Variants in NAV3 observed in about 807,000 individuals in gnomAD.
NAV3 encodes neuron navigator 3.
A neutral mutation model predicts 244.7 loss-of-function variants in NAV3; 87 were observed. That is an observed-to-expected ratio of 0.36 (90% CI 0.30 to 0.42). NAV3 has a LOEUF of 0.42. Among genes scored for constraint, NAV3 ranks in the 20% least tolerant of loss-of-function variants. The pLI is 1.00. For synonymous variants in NAV3, 1,126 were observed against 1,042.2 expected (o/e 1.08, Z -1.55); for missense variants, 2,663 against 2,893.3 (o/e 0.92, Z 1.83).
intron 28 of NAV3, among the ~76,000 whole-genome samples, chr12:78,178,465 A>G (rs1958352390): frequency 6.6e-6 from 1 of 152,030 alleles, no homozygotes; most frequent in Non-Finnish European, 1.5e-5. Context: ...CTGGCCCAAA[A>G]TACTGTAATA....
chr12:78,045,809 C>T (rs974318560), intron 9 of NAV3, among the ~76,000 whole-genome samples: 1 of 152,130 alleles, frequency 6.6e-6, no homozygotes, highest in African/African-American at 2.4e-5. Flanking sequence ...AGGAATGGTA[C>T]CAGCTCCTCT....
intron 2 of NAV3, among the ~76,000 whole-genome samples, chr12:77,580,219 AACACACACACACACACACACAC>A (rs59671759): frequency 6.9e-6 from 1 of 145,394 alleles, no homozygotes; most frequent in East Asian, 2.0e-4. Flanking sequence ...GTAGGGTGGG[AACACACACACACACACACACAC>A]ACACACACAC....
At chr12:77,595,497 A>G (rs1207520610) in intron 2 of NAV3, among the ~76,000 whole-genome samples, 1 of 152,180 alleles carries the variant, frequency 6.6e-6, no homozygotes, top group Non-Finnish European at 1.5e-5. Flanking sequence ...ATCGTATTGT[A>G]TACTCAAGAT....
At chr12:77,931,195 T>C (rs1022494126) in intron 1 of NAV3, among the ~76,000 whole-genome samples, 2 of 152,168 alleles carry the variant, frequency 1.3e-5, no homozygotes, top group African/African-American at 4.8e-5. Flanking sequence ...TCCCTTCCAA[T>C]AAACCTTCTC....
Position 77,698,504 on chromosome 12 carries a change from T to G in NAV3, c.72+126238T>G, listed in dbSNP as rs549592799. Among the ~76,000 whole-genome samples, 3 of 152,208 alleles carry G rather than the reference T, an allele frequency of 2.0e-5. No homozygotes were observed. In the South Asian group the frequency reaches 6.2e-4, roughly 32 times the overall value. On this transcript the variant is annotated intron_variant, in intron 2 of 8. Coordinates refer to the NAV3 transcript ENST00000550042. The stretch of plus-strand genomic sequence containing the variant: ...GTTGAATTTGGCTATAGGGGTCCAG[T>G]GGATCTCTAACCAAATGTGTCAGCC...
At position 78,007,278 on chromosome 12, in the gene NAV3, T is replaced by C. The variant is rs1351540435; in HGVS notation, c.1740T>C (p.Pro580=). The C allele has an allele frequency of 1.2e-6, 2 of 1,614,244 alleles. No homozygotes were observed. Among genetic ancestry groups the C allele is most frequent in the Non-Finnish European group, 1.7e-6 (2 of 1,180,044 alleles). Residue 580 remains proline (P), a synonymous_variant, in exon 8 of 40, where the codon CCT becomes CCC. Transcript: ENST00000397909. ...AGAAAGCAAGTGCTTCTAGTTGTCC[T>C]GCCCCTTTGGAAGGAAGGGAAGCTG... ...TMEKASASSC[P]APLEGREAGQ...
chr12:78,195,906 T>G (rs1478629514), intron 34 of NAV3, among the ~76,000 whole-genome samples: 1 of 152,030 alleles, frequency 6.6e-6, no homozygotes, highest in Non-Finnish European at 1.5e-5. Flanking sequence ...CTGATTACCC[T>G]TTTTAGTCCT....
chr12:77,698,908 G>C (rs958885411), intron 2 of NAV3, among the ~76,000 whole-genome samples: 2 of 152,094 alleles, frequency 1.3e-5, no homozygotes, highest in African/African-American at 4.8e-5. Flanking sequence ...ATTGTTTACT[G>C]TTTGTCCTAG....
intron 2 of NAV3, among the ~76,000 whole-genome samples, chr12:77,824,453 A>C (rs1035796361): frequency 9.2e-5 from 14 of 152,074 alleles, no homozygotes; most frequent in African/African-American, 3.4e-4. Flanking sequence ...GCATGAAAGC[A>C]GGTGGTCCAA....
chr12:77,575,237 C>A (rs1817133132), intron 2 of NAV3, among the ~76,000 whole-genome samples: 1 of 151,958 alleles, frequency 6.6e-6, no homozygotes, highest in African/African-American at 2.4e-5. Flanking sequence ...CTCTTCATTA[C>A]TGATAAACTA....
intron 2 of NAV3, among the ~76,000 whole-genome samples, chr12:77,669,978 C>CA (rs955372620): frequency 1.3e-4 from 19 of 151,038 alleles, no homozygotes; most frequent in African/African-American, 2.7e-4. Flanking sequence ...TTGAAACAAA[C>CA]AAAAAAAATA....
At chr12:77,913,218 C>T (rs1221491280) in intron 1 of NAV3, among the ~76,000 whole-genome samples, 1 of 152,022 alleles carries the variant, frequency 6.6e-6, no homozygotes, top group Non-Finnish European at 1.5e-5. Context: ...AGGAAAGTCA[C>T]TTAGCTAGAC....
At chr12:77,827,023 A>G (rs1428227761), upstream of NAV3, among the ~76,000 whole-genome samples, 3 of 152,254 alleles carry the variant, frequency 2.0e-5, no homozygotes, top group Non-Finnish European at 2.9e-5. Context: ...GGAGTTCGAG[A>G]CCAGTCTGGC....
At chr12:77,611,426 A>C (rs1430739213) in intron 2 of NAV3, among the ~76,000 whole-genome samples, 1 of 151,976 alleles carries the variant, frequency 6.6e-6, no homozygotes, top group African/African-American at 2.4e-5. Context: ...TGATACATTA[A>C]ATGTAAATAC....
chr12:77,888,472 G>T (rs1883555892), intron 1 of NAV3, among the ~76,000 whole-genome samples: 1 of 152,064 alleles, frequency 6.6e-6, no homozygotes, highest in Non-Finnish European at 1.5e-5. Context: ...GCAAGACCCT[G>T]TTTTAAAAAT....
At chr12:77,628,735 CA>C (rs1871748121) in intron 2 of NAV3, among the ~76,000 whole-genome samples, 1 of 150,768 alleles carries the variant, frequency 6.6e-6, no homozygotes, top group South Asian at 2.1e-4. Context: ...AAAAAAAATA[CA>C]AAAAATTAGC....
rs757676255 is a variant in NAV3, at chr12:78,051,031, C to T, written c.2400C>T (p.Asp800=). ...VSRLGNMSQI[D]MSEKASSDLD... Reference sequence around the variant, plus strand: ...GGCTGGGAAACATGTCACAGATTGACATGAGTGAGAAAGCAAGCAGTGACC... The same window carrying T: ...GGCTGGGAAACATGTCACAGATTGATATGAGTGAGAAAGCAAGCAGTGACC... Residue 800 remains aspartate (D), a synonymous_variant, in exon 11 of 40, where the codon GAC becomes GAT. Transcript: ENST00000397909. 6.2e-7 allele frequency: 1 copy of T among 1,614,128 alleles called. No individual in the cohort carries two copies. The highest frequency in any genetic ancestry group is 8.5e-7 in the Non-Finnish European group (1 of 1,180,024).
chr12:77,616,126 G>T (rs911340705), intron 2 of NAV3, among the ~76,000 whole-genome samples: 1 of 152,042 alleles, frequency 6.6e-6, no homozygotes, highest in Admixed American at 6.6e-5. Flanking sequence ...GTTAGTATGA[G>T]GCCAGGCATG....
intron 2 of NAV3, among the ~76,000 whole-genome samples, chr12:77,724,107 A>T (rs1301205664): frequency 6.6e-6 from 1 of 151,944 alleles, no homozygotes; most frequent in African/African-American, 2.4e-5. Flanking sequence ...CATATTCTAG[A>T]TGCACATGTA....
Sources: gnomAD v4.1 joint callset for allele counts (sites outside exome capture counted in the v4.1 genomes callset) on GRCh38, gnomAD v4.1.1 for gene constraint, MANE v1.5 for transcripts, NCBI Gene and HGNC (gene_info 2026-07-23, HGNC 2026-07-21) for gene names.